Variants in SLIT3 observed in about 807,000 individuals in gnomAD.
The protein encoded by SLIT3 is slit homolog 3 protein.
A neutral mutation model predicts 184.0 loss-of-function variants in SLIT3; 68 were observed. The observed-to-expected ratio is 0.37, with a 90% CI of 0.30 to 0.45. The LOEUF (loss-of-function observed/expected upper bound fraction) is 0.45, where lower values mean the gene tolerates loss of function less well. Ranked by LOEUF, SLIT3 falls within the 20% of genes least tolerant of loss-of-function variation. SLIT3 has a pLI of 1.00. For synonymous variants in SLIT3, 831 were observed against 828.6 expected (o/e 1.00, Z -0.05); for missense variants, 1,707 against 2,026.0 (o/e 0.84, Z 3.02).
At chr5:169,060,174 G>C (rs1758132721) in intron 4 of SLIT3, among the ~76,000 whole-genome samples, 1 of 152,204 alleles carries the variant, frequency 6.6e-6, no homozygotes, top group Admixed American at 6.5e-5. Context: ...TGAATCATCT[G>C]AAGTCAGGAG....
chr5:169,088,561 C>G (rs776641790), intron 4 of SLIT3, among the ~76,000 whole-genome samples: 2 of 152,188 alleles, frequency 1.3e-5, no homozygotes, highest in Non-Finnish European at 2.9e-5. Flanking sequence ...GTGAGCAAGA[C>G]TGGTCAGAGG....
intron 5 of SLIT3, among the ~76,000 whole-genome samples, chr5:168,857,154 C>G (rs1758912740): frequency 6.6e-6 from 1 of 152,162 alleles, no homozygotes; most frequent in African/African-American, 2.4e-5. Flanking sequence ...AAGGCCAGCT[C>G]TACCCACAAG....
At chr5:168,949,370 T>G (rs992153203) in intron 4 of SLIT3, among the ~76,000 whole-genome samples, 3 of 152,178 alleles carry the variant, frequency 2.0e-5, no homozygotes, top group African/African-American at 7.2e-5. Context: ...GAAGTTCATA[T>G]CTGTGGTATG....
intron 1 of SLIT3, among the ~76,000 whole-genome samples, chr5:169,289,537 G>A (rs556853262): frequency 2.0e-5 from 3 of 152,334 alleles, no homozygotes; most frequent in African/African-American, 7.2e-5. Flanking sequence ...CATGATAAAA[G>A]ATTTCAGATG....
At chr5:168,774,760 T>C (rs1030866776) in intron 12 of SLIT3, among the ~76,000 whole-genome samples, 3 of 152,240 alleles carry the variant, frequency 2.0e-5, no homozygotes, top group Non-Finnish European at 4.4e-5. Context: ...AGAGCTTTAG[T>C]TGACTGACTA....
chr5:169,264,634 G>A (rs1766328203), intron 1 of SLIT3, among the ~76,000 whole-genome samples: 1 of 152,158 alleles, frequency 6.6e-6, no homozygotes, highest in East Asian at 1.9e-4. Flanking sequence ...GCATGTGTTT[G>A]AAAACCATCA....
intron 4 of SLIT3, among the ~76,000 whole-genome samples, chr5:169,182,767 T>G (rs1205034952): frequency 6.6e-6 from 1 of 152,234 alleles, no homozygotes; most frequent in Non-Finnish European, 1.5e-5. Flanking sequence ...CAATGCAGTA[T>G]TTCCCTAATA....
intron 4 of SLIT3, among the ~76,000 whole-genome samples, chr5:169,047,579 G>A (rs957488553): frequency 2.8e-5 from 3 of 106,704 alleles, no homozygotes; most frequent in African/African-American, 5.1e-5. Context: ...CCTAGATGGA[G>A]CCTACCCTTC....
At chr5:168,896,610 T>C (rs1052554858) in intron 4 of SLIT3, among the ~76,000 whole-genome samples, 1 of 152,168 alleles carries the variant, frequency 6.6e-6, no homozygotes, top group African/African-American at 2.4e-5. Context: ...AGGGAGACTC[T>C]CTCTCGTGGA....
chr5:169,277,900 A>G (rs1561783290), intron 1 of SLIT3, among the ~76,000 whole-genome samples: 1 of 152,138 alleles, frequency 6.6e-6, no homozygotes, highest in Non-Finnish European at 1.5e-5. Flanking sequence ...CCAATTTCCA[A>G]TTACACTTAT....
intron 2 of SLIT3, among the ~76,000 whole-genome samples, chr5:169,249,751 G>T (rs544405798): frequency 6.6e-6 from 1 of 152,232 alleles, no homozygotes; most frequent in Non-Finnish European, 1.5e-5. Context: ...TCTCGATTCT[G>T]ATCCACGCAC....
chr5:168,882,659 C>G (rs1004830231), intron 5 of SLIT3, among the ~76,000 whole-genome samples: 2 of 152,024 alleles, frequency 1.3e-5, no homozygotes, highest in Admixed American at 1.3e-4. Flanking sequence ...ACGGACTTGT[C>G]TACTATTTTT....
At chr5:168,976,466 C>A (rs1050780597) in intron 4 of SLIT3, among the ~76,000 whole-genome samples, 3 of 152,150 alleles carry the variant, frequency 2.0e-5, no homozygotes, top group Admixed American at 2.0e-4. Context: ...TCCATGCTAA[C>A]CATCATTTAA....
intron 4 of SLIT3, among the ~76,000 whole-genome samples, chr5:168,999,842 G>A (rs772961666): frequency 5.9e-5 from 9 of 152,168 alleles, no homozygotes; most frequent in African/African-American, 9.7e-5. Flanking sequence ...GCTTTTGCAC[G>A]GGAAGACCCA....
chr5:168,791,006 C>T (rs1756343942), intron 10 of SLIT3: 1 of 152,254 alleles, frequency 6.6e-6, no homozygotes. Flanking sequence ...TCACCTCCGA[C>T]AAATCCGCAG....
intron 4 of SLIT3, among the ~76,000 whole-genome samples, chr5:169,035,667 A>G (rs924854780): frequency 1.3e-5 from 2 of 149,960 alleles, no homozygotes; most frequent in Admixed American, 1.3e-4. Context: ...AAAAAAAAAA[A>G]GAATTACCTC....
intron 32 of SLIT3, among the ~76,000 whole-genome samples, chr5:168,680,253 T>C (rs1161898898): frequency 1.3e-5 from 2 of 152,238 alleles, no homozygotes; most frequent in African/African-American, 2.4e-5. Context: ...CTCACAAGTC[T>C]CAGTGCCAAG....
chr5:168,953,899 G>A (rs926008142), intron 4 of SLIT3, among the ~76,000 whole-genome samples: 28 of 152,132 alleles, frequency 1.8e-4, no homozygotes, highest in African/African-American at 5.6e-4. Flanking sequence ...CACTGCTGCC[G>A]GCGGCTGAGC....
intron 3 of SLIT3, among the ~76,000 whole-genome samples, chr5:169,216,473 A>T (rs915892366): frequency 6.6e-6 from 1 of 152,216 alleles, no homozygotes; most frequent in Non-Finnish European, 1.5e-5. Flanking sequence ...GTGTGAGAAA[A>T]ATCCAAGAGA....
Sources: gnomAD v4.1 joint callset for allele counts (sites outside exome capture counted in the v4.1 genomes callset) on GRCh38, gnomAD v4.1.1 for gene constraint, MANE v1.5 for transcripts, NCBI Gene and HGNC (gene_info 2026-07-23, HGNC 2026-07-21) for gene names.